The following SP140 variants were observed in gnomAD, a reference collection of about 807,000 sequenced individuals.
The protein encoded by SP140 is SP140 nuclear body protein.
Under a neutral mutation model 125.0 loss-of-function variants are expected in SP140, and 81 were observed. The observed-to-expected ratio is 0.65, with a 90% CI of 0.54 to 0.78. The LOEUF is 0.78. SP140 is among the 30% of genes least tolerant of loss of function. The pLI is 0.00. For synonymous variants in SP140, 312 were observed against 354.0 expected (o/e 0.88, Z 1.33); for missense variants, 858 against 1,037.0 (o/e 0.83, Z 2.37).
upstream of SP140, among the ~76,000 whole-genome samples, chr2:230,220,797 A>G (rs1051791725): frequency 6.6e-6 from 1 of 152,148 alleles, no homozygotes; most frequent in African/African-American, 2.4e-5. Context: ...TGAGCCTAGG[A>G]GTTTGAGACC....
intron 22 of SP140, among the ~76,000 whole-genome samples, chr2:230,309,044 G>A (rs980811557): frequency 3.9e-5 from 6 of 152,126 alleles, no homozygotes; most frequent in Non-Finnish European, 7.4e-5. Context: ...TCCACAACAC[G>A]TGGATGCAAA....
At chr2:230,277,639 G>A (rs916311481) in intron 15 of SP140, among the ~76,000 whole-genome samples, 1 of 152,076 alleles carries the variant, frequency 6.6e-6, no homozygotes, top group East Asian at 1.9e-4. Flanking sequence ...TGTAAAATTT[G>A]CAAATATATT....
At chr2:230,249,267 C>T (rs913657587) in intron 9 of SP140, among the ~76,000 whole-genome samples, 2 of 152,234 alleles carry the variant, frequency 1.3e-5, no homozygotes, top group African/African-American at 4.8e-5. Flanking sequence ...ATTAAACACA[C>T]ATTAAACCTA....
At chr2:230,189,597 G>T in the SP140 span, among the ~76,000 whole-genome samples, 1 of 152,036 alleles carries the variant, frequency 6.6e-6, no homozygotes, top group East Asian at 1.9e-4. Flanking sequence ...CCCAAAATGG[G>T]ACACACGTGC....
intron 15 of SP140, among the ~76,000 whole-genome samples, chr2:230,272,298 C>T (rs910597249): frequency 5.3e-5 from 8 of 152,116 alleles, no homozygotes; most frequent in African/African-American, 1.9e-4. Flanking sequence ...AGATATCATG[C>T]TACCCAATTT....
chr2:230,284,523 C>T (rs1289150323), intron 16 of SP140, 112 bp downstream of exon 16: 4 of 828,762 alleles, frequency 4.8e-6, no homozygotes, highest in Admixed American at 3.4e-5. Flanking sequence ...CTCCTGTATC[C>T]ATTAGGATGT....
chr2:230,228,749 C>T (rs2046823478), intron 1 of SP140, among the ~76,000 whole-genome samples: 1 of 152,098 alleles, frequency 6.6e-6, no homozygotes, highest in African/African-American at 2.4e-5. Flanking sequence ...ATATCTTGCT[C>T]CATCCCTTTA....
downstream of SP140, among the ~76,000 whole-genome samples, chr2:230,316,545 C>G (rs903265054): frequency 6.6e-6 from 1 of 152,208 alleles, no homozygotes; most frequent in Non-Finnish European, 1.5e-5. Context: ...TGGACATTGT[C>G]ACATCAATAA....
chr2:230,249,440 G>A (rs2149209677), intron 9 of SP140, among the ~76,000 whole-genome samples: 1 of 152,254 alleles, frequency 6.6e-6, no homozygotes, highest in South Asian at 2.1e-4. Context: ...AGGACCTGTG[G>A]TGCTATAGCC....
intron 1 of SP140, among the ~76,000 whole-genome samples, chr2:230,204,652 A>G (rs1201525754): frequency 6.6e-6 from 1 of 151,982 alleles, no homozygotes; most frequent in African/African-American, 2.4e-5. Flanking sequence ...GTGCCAGGAC[A>G]TTACCATCTA....
chr2:230,245,843 G>T lies in SP140; in HGVS notation c.665-20G>T. The T allele has an allele frequency of 6.5e-7, 1 of 1,545,512 alleles. No homozygotes were observed. The highest frequency in any genetic ancestry group is 8.9e-7 in the Non-Finnish European group (1 of 1,117,362). On this transcript the variant is annotated intron_variant, in intron 6 of 26. Coordinates refer to ENST00000392045, the MANE Select transcript of SP140 (RefSeq NM_007237.5). ...CAGGTCACTGCCAATTGTCTGTCATGTTCCTCTTTCACTCTGCAGTGTCCT... is the reference window on the plus strand; with the variant it reads ...CAGGTCACTGCCAATTGTCTGTCATTTTCCTCTTTCACTCTGCAGTGTCCT...
At chr2:230,266,241 G>A (rs1462511870) in intron 12 of SP140, among the ~76,000 whole-genome samples, 4 of 152,114 alleles carry the variant, frequency 2.6e-5, no homozygotes, top group Non-Finnish European at 5.9e-5. Context: ...TGAGAAAATA[G>A]CCTAGTTTTT....
intron 15 of SP140, among the ~76,000 whole-genome samples, chr2:230,282,632 TAC>T (rs141745921): frequency 2.0e-5 from 3 of 151,980 alleles, no homozygotes; most frequent in African/African-American, 4.8e-5. Context: ...ACCCCGTATC[TAC>T]ACACACACAC....
chr2:230,279,685 A>G (rs556369085), intron 15 of SP140, among the ~76,000 whole-genome samples: 1 of 152,208 alleles, frequency 6.6e-6, no homozygotes, highest in African/African-American at 2.4e-5. Context: ...GTGCAGTTAT[A>G]TAAATACCTC....
intron 19 of SP140, among the ~76,000 whole-genome samples, chr2:230,291,298 A>G (rs1160755426): frequency 6.6e-6 from 1 of 152,196 alleles, no homozygotes; most frequent in Non-Finnish European, 1.5e-5. Context: ...TTCACATATC[A>G]TACAACTCAC....
chr2:230,251,605 C>T (rs893874848), intron 10 of SP140, among the ~76,000 whole-genome samples: 1 of 152,156 alleles, frequency 6.6e-6, no homozygotes, highest in African/African-American at 2.4e-5. Flanking sequence ...AGCTTATCAT[C>T]CCTCTGCTGG....
upstream of SP140, among the ~76,000 whole-genome samples, chr2:230,225,190 C>T (rs1001017963): frequency 1.3e-5 from 2 of 152,122 alleles, no homozygotes; most frequent in East Asian, 1.9e-4. Context: ...TGTAAAGTGC[C>T]CACATATTTG....
At chr2:230,298,125 C>T (rs2057931454) in intron 22 of SP140, among the ~76,000 whole-genome samples, 1 of 152,186 alleles carries the variant, frequency 6.6e-6, no homozygotes, top group African/African-American at 2.4e-5. Flanking sequence ...ATCTGGTGCT[C>T]AGTACTATGC....
chr2:230,250,920 C>T, intron 9 of SP140, 61 bp from the exon 10 acceptor site: 1 of 1,587,488 alleles, frequency 6.3e-7, no homozygotes, highest in Non-Finnish European at 8.6e-7. Context: ...ACTTCAGCTT[C>T]CCACGTCTTC....
Sources: allele counts gnomAD v4.1 joint callset (sites outside exome capture counted in the v4.1 genomes callset), GRCh38; gene constraint gnomAD v4.1.1; transcripts MANE v1.5; gene names NCBI Gene and HGNC (gene_info 2026-07-23, HGNC 2026-07-21).